The following TUBA1C variants were observed in gnomAD, a reference collection of about 807,000 sequenced individuals.
TUBA1C encodes the protein tubulin alpha-1C chain.
Under a neutral mutation model 34.9 loss-of-function variants are expected in TUBA1C, and 16 were observed. The ratio of observed to expected loss-of-function variants is 0.46; its 90% CI spans 0.31 to 0.70. The LOEUF (loss-of-function observed/expected upper bound fraction) is 0.70. Among genes scored for constraint, TUBA1C ranks in the 30% least tolerant of loss-of-function variants. The probability of loss-of-function intolerance (pLI) is 0.05; values close to 1 mark genes in which losing one functional copy is unlikely to be tolerated. For missense variants in TUBA1C, 329 were observed against 587.3 expected, an observed-to-expected ratio of 0.56 and a Z score of 4.55; for synonymous variants, 177 against 215.9, an observed-to-expected ratio of 0.82 and a Z score of 1.58.
At chr12:49,266,090 A>C (rs1326053503) in intron 1 of TUBA1C, among the ~76,000 whole-genome samples, 1 of 149,454 alleles carries the variant, frequency 6.7e-6, no homozygotes, top group Non-Finnish European at 1.5e-5. Context: ...AGATCGCGCT[A>C]CTGCACTCCA....
intron 1 of TUBA1C, among the ~76,000 whole-genome samples, chr12:49,235,115 C>CAA (rs550520599): frequency 0.062 from 5,213 of 84,048 alleles, 97 homozygotes; most frequent in Middle Eastern, 0.13. Flanking sequence ...TGCGCCCGGC[C>CAA]AAAAAAAAAA....
intron 3 of TUBA1C, 33 bp from the exon 4 acceptor site, chr12:49,272,220 G>A (rs771519685): frequency 2.7e-5 from 42 of 1,565,224 alleles, no homozygotes; most frequent in East Asian, 4.5e-5. Flanking sequence ...TGAAACTTTC[G>A]CAACACTAAA....
intron 1 of TUBA1C, among the ~76,000 whole-genome samples, chr12:49,257,149 CAAAAA>C (rs199657602): frequency 1.1e-5 from 1 of 92,398 alleles, no homozygotes. Flanking sequence ...CACTCCATCT[CAAAAA>C]AAAAAAAAAA....
intron 1 of TUBA1C, among the ~76,000 whole-genome samples, chr12:49,230,989 G>A (rs551087115): frequency 1.3e-5 from 2 of 152,226 alleles, no homozygotes; most frequent in African/African-American, 4.8e-5. Flanking sequence ...ACTTAGTATC[G>A]TTTCTGGTAT....
intron 1 of TUBA1C, among the ~76,000 whole-genome samples, chr12:49,240,076 A>ACC (rs1555165992): frequency 1.8e-4 from 23 of 128,642 alleles, no homozygotes; most frequent in East Asian, 1.4e-3. Context: ...ACACACACAC[A>ACC]CCCTGCCTTT....
chr12:49,265,105 G>A lies in TUBA1C; in HGVS notation c.-77G>A, dbSNP rs962199046. ...TCACTACTTCTCCCCCGGACTCCTT[G>A]GTAGTCTGTTAGTGGGAGATCCTTG... On this transcript the variant is annotated 5_prime_UTR_variant, in exon 1 of 4. Transcript: ENST00000301072. The A allele has an allele frequency of 6.5e-7, 1 of 1,547,502 alleles. No homozygotes were observed. The highest frequency in any genetic ancestry group is 8.8e-7 in the Non-Finnish European group (1 of 1,138,988).
chr12:49,268,097 GACAC>G (rs367819252), intron 1 of TUBA1C, among the ~76,000 whole-genome samples: 3 of 151,760 alleles, frequency 2.0e-5, no homozygotes, highest in African/African-American at 4.9e-5. Context: ...ATGAGAGAGA[GACAC>G]ACACACACAG....
chr12:49,253,468 G>C (rs1053376616), intron 1 of TUBA1C, among the ~76,000 whole-genome samples: 1 of 152,060 alleles, frequency 6.6e-6, no homozygotes, highest in Non-Finnish European at 1.5e-5. Context: ...GAGCTAAAAA[G>C]TGGGAGGTTG....
upstream of TUBA1C, chr12:49,265,048 G>A (rs1162027662): frequency 3.2e-6 from 4 of 1,250,644 alleles, no homozygotes; most frequent in African/African-American, 4.7e-5. Flanking sequence ...CGGGGACCGG[G>A]TATATAAGGC....
intron 1 of TUBA1C, among the ~76,000 whole-genome samples, chr12:49,248,867 CAAAAAAAAA>C (rs201685193): frequency 3.3e-5 from 2 of 60,780 alleles, no homozygotes; most frequent in African/African-American, 1.0e-4. Flanking sequence ...GACTCCCTCT[CAAAAAAAAA>C]AAAAAAAAAA....
intron 1 of TUBA1C, among the ~76,000 whole-genome samples, chr12:49,243,978 C>T (rs74555420): frequency 0.025 from 3,760 of 151,748 alleles, 64 homozygotes; most frequent in Non-Finnish European, 0.039. Context: ...AGCGAGATCC[C>T]GTATCTACAA....
In TUBA1C at chr12:49,269,652, G is replaced by A. The variant is rs779782885; in HGVS notation, c.191G>A (p.Arg64Gln). ...ACGGGTGCTGGCAAGCATGTGCCCCGGGCAGTGTTTGTAGACTTGGAACCC... is the reference window on the plus strand; with the variant it reads ...ACGGGTGCTGGCAAGCATGTGCCCCAGGCAGTGTTTGTAGACTTGGAACCC... ...SETGAGKHVP[R>Q]AVFVDLEPTV... is the part of the protein sequence containing the mutation. Residue 64 changes from arginine to glutamine, a missense_variant, in exon 2 of 4, where the codon CGG (arginine) becomes CAG (glutamine). Around this residue, in one of 4 missense-constraint regions of TUBA1C, gnomAD observed 152 missense variants for 240.3 expected, o/e 0.63. Transcript: ENST00000301072. The A allele has an allele frequency of 1.1e-5, 17 of 1,614,044 alleles. No homozygotes were observed. The highest frequency in any genetic ancestry group is 1.1e-5 in the South Asian group (1 of 91,090).
chr12:49,249,382 G>A lies in TUBA1C; in HGVS notation c.214-20083G>A, dbSNP rs372855903. ...GCGGAGGTTGTGGTGAGCTGAGATGGCGCCACTGCACTCCAGCCTGGTCGA... is the reference window on the plus strand; with the variant it reads ...GCGGAGGTTGTGGTGAGCTGAGATGACGCCACTGCACTCCAGCCTGGTCGA... On this transcript the variant is annotated intron_variant, in intron 1 of 3. Coordinates refer to the TUBA1C transcript ENST00000541364. Among the ~76,000 whole-genome samples the A allele has an allele frequency of 1.3e-3, 196 of 152,198 alleles. 1 individual carries two copies. Among genetic ancestry groups the A allele is most frequent in the African/African-American group, 4.3e-3 (178 of 41,530 alleles).
At chr12:49,240,035 GACAC>G (rs5798100) in intron 1 of TUBA1C, among the ~76,000 whole-genome samples, 9,808 of 138,480 alleles carry the variant, frequency 0.071, 353 homozygotes, top group Middle Eastern at 0.092. Flanking sequence ...TCAGAGCACA[GACAC>G]ACACACACAC....
At chr12:49,270,204 C>T (rs753804628) in intron 3 of TUBA1C, 8 of 853,680 alleles carry the variant, frequency 9.4e-6, no homozygotes, top group East Asian at 2.7e-5. Flanking sequence ...AGCTGAGACA[C>T]CCCTTTTGAG....
intron 1 of TUBA1C, among the ~76,000 whole-genome samples, chr12:49,266,244 T>G (rs1942909796): frequency 7.6e-6 from 1 of 131,222 alleles, no homozygotes. Context: ...GCTAACACGG[T>G]GAAACCCCGT....
intron 1 of TUBA1C, among the ~76,000 whole-genome samples, chr12:49,254,484 CAAAAAAAA>C (rs764051406): frequency 5.5e-3 from 162 of 29,696 alleles, no homozygotes; most frequent in African/African-American, 0.015. Flanking sequence ...TCCATCTAAA[CAAAAAAAA>C]AAAAAAAAAA....
intron 1 of TUBA1C, among the ~76,000 whole-genome samples, chr12:49,248,571 A>G (rs1942698791): frequency 2.0e-5 from 3 of 151,724 alleles, no homozygotes; most frequent in South Asian, 4.2e-4. Flanking sequence ...AGAAAAAAAA[A>G]AAAAGAAAAG....
At chr12:49,235,991 T>G (rs1942551423) in intron 1 of TUBA1C, among the ~76,000 whole-genome samples, 3 of 152,226 alleles carry the variant, frequency 2.0e-5, no homozygotes, top group African/African-American at 7.2e-5. Context: ...AATCACAATG[T>G]GCTTATTCTG....
Sources: gnomAD v4.1 joint callset for allele counts (sites outside exome capture counted in the v4.1 genomes callset) on GRCh38, gnomAD v4.1.1 for gene constraint, gnomAD v4.1.1 regional missense constraint, MANE v1.5 for transcripts, NCBI Gene and HGNC (gene_info 2026-07-23, HGNC 2026-07-21) for gene names.